The following PARD3 variants were observed in gnomAD, a reference collection of about 807,000 sequenced individuals.
PARD3 encodes par-3 family cell polarity regulator.
Under a neutral mutation model 155.4 loss-of-function variants are expected in PARD3, and 75 were observed. The ratio of observed to expected loss-of-function variants is 0.48; its 90% CI spans 0.40 to 0.58. The LOEUF (loss-of-function observed/expected upper bound fraction) is 0.58, where lower values mean the gene tolerates loss of function less well. Among genes scored for constraint, PARD3 ranks in the 20% least tolerant of loss-of-function variants. The probability of loss-of-function intolerance (pLI) is 0.00; values close to 1 mark genes in which losing one functional copy is unlikely to be tolerated. For missense variants in PARD3, 1,642 were observed against 1,721.7 expected, an observed-to-expected ratio of 0.95 and a Z score of 0.82; for synonymous variants, 576 against 610.5, an observed-to-expected ratio of 0.94 and a Z score of 0.83.
chr10:34,302,758 AAAG>A (rs1259097071), intron 20 of PARD3, among the ~76,000 whole-genome samples: 1 of 152,192 alleles, frequency 6.6e-6, no homozygotes, highest in Non-Finnish European at 1.5e-5. Flanking sequence ...GAGTTCAGAG[AAAG>A]AAGTCAAAAC....
At chr10:34,419,345 C>T (rs186052185) in intron 5 of PARD3, among the ~76,000 whole-genome samples, 1 of 151,952 alleles carries the variant, frequency 6.6e-6, no homozygotes, top group Admixed American at 6.6e-5. Context: ...GGTGAAACCC[C>T]GCCTCTACTA....
chr10:34,551,058 T>C (rs73267330), intron 2 of PARD3, among the ~76,000 whole-genome samples: 21 of 152,262 alleles, frequency 1.4e-4, no homozygotes, highest in African/African-American at 4.8e-4. Flanking sequence ...ATTCTGTAAA[T>C]GCAAAATGTA....
At chr10:34,313,610 G>C (rs1564573809) in intron 20 of PARD3, among the ~76,000 whole-genome samples, 2 of 152,064 alleles carry the variant, frequency 1.3e-5, no homozygotes, top group African/African-American at 4.8e-5. Context: ...GTCTGTATAT[G>C]CCAATGACTA....
At chr10:34,737,767 G>A (rs1303630633) in intron 1 of PARD3, among the ~76,000 whole-genome samples, 1 of 152,170 alleles carries the variant, frequency 6.6e-6, no homozygotes, top group East Asian at 1.9e-4. Context: ...AAATAAATCT[G>A]TTGTTTTATA....
intron 1 of PARD3, among the ~76,000 whole-genome samples, chr10:34,711,507 G>A (rs902146547): frequency 1.3e-4 from 20 of 152,168 alleles, no homozygotes; most frequent in African/African-American, 4.1e-4. Context: ...GGCACAGGGC[G>A]AGACTCTGTC....
intron 3 of PARD3, among the ~76,000 whole-genome samples, chr10:34,493,849 A>G (rs182876158): frequency 6.6e-6 from 1 of 152,358 alleles, no homozygotes. Flanking sequence ...ACTATATTTT[A>G]TTAGTATCTA....
chr10:34,303,162 A>ATTTTTTTTTTTTTTT lies in PARD3; in HGVS notation c.3065+13930_3065+13944dup, dbSNP rs5784409. 1.4e-3 allele frequency among the ~76,000 whole-genome samples: 189 copies of ATTTTTTTTTTTTTTT among 131,898 alleles called. 1 individual carries two copies. Among genetic ancestry groups the ATTTTTTTTTTTTTTT allele is most frequent in the East Asian group, 7.2e-3 (33 of 4,566 alleles). 86.5% of individuals were successfully genotyped at this position (131,898 alleles called of 152,430 possible). ...AGAATTTATTTTACTGCCCAGGTGA[A>ATTTTTTTTTTTTTTT]TTTTTTTTTTTTTTTTTTTTGTGCA... On this transcript the variant is annotated intron_variant, in intron 20 of 24. Transcript: ENST00000374788.
chr10:34,537,224 A>G (rs936785182), intron 2 of PARD3, among the ~76,000 whole-genome samples: 3 of 152,148 alleles, frequency 2.0e-5, no homozygotes, highest in African/African-American at 4.8e-5. Flanking sequence ...GCTGATCTCA[A>G]AATTCCTGAC....
chr10:34,435,444 C>T (rs1239487402), intron 5 of PARD3, among the ~76,000 whole-genome samples: 8 of 152,154 alleles, frequency 5.3e-5, no homozygotes. Flanking sequence ...AAGAGAAAGA[C>T]TGCCAGATCC....
chr10:34,663,230 A>G (rs2093369079), intron 2 of PARD3, among the ~76,000 whole-genome samples: 1 of 152,076 alleles, frequency 6.6e-6, no homozygotes, highest in Non-Finnish European at 1.5e-5. Context: ...TGGGAGGGCC[A>G]GGGCGGGTAG....
At chr10:34,481,518 G>A (rs534478939) in intron 3 of PARD3, among the ~76,000 whole-genome samples, 1 of 152,294 alleles carries the variant, frequency 6.6e-6, no homozygotes, top group Non-Finnish European at 1.5e-5. Flanking sequence ...TGCTAAGCCA[G>A]TACAGTTCAG....
chr10:34,780,947 A>T (rs1289774739), intron 1 of PARD3, among the ~76,000 whole-genome samples: 1 of 152,242 alleles, frequency 6.6e-6, no homozygotes, highest in Non-Finnish European at 1.5e-5. Context: ...CACAGCTATA[A>T]CGGGAAACAT....
chr10:34,651,363 G>T (rs2093009811), intron 2 of PARD3, among the ~76,000 whole-genome samples: 1 of 152,210 alleles, frequency 6.6e-6, no homozygotes. Context: ...GCATGTCACA[G>T]GCTTTCTCTG....
At chr10:34,358,785 T>C (rs1839152712) in intron 14 of PARD3, among the ~76,000 whole-genome samples, 1 of 152,198 alleles carries the variant, frequency 6.6e-6, no homozygotes, top group Non-Finnish European at 1.5e-5. Flanking sequence ...TAAGCAACTG[T>C]TTCTCTGCAT....
intron 5 of PARD3, among the ~76,000 whole-genome samples, chr10:34,446,925 T>C (rs1435696586): frequency 3.3e-5 from 5 of 152,198 alleles, no homozygotes; most frequent in Non-Finnish European, 5.9e-5. Flanking sequence ...TTAATCTAAA[T>C]TGAAAAACAA....
intron 20 of PARD3, among the ~76,000 whole-genome samples, chr10:34,308,994 G>A (rs1370212532): frequency 6.6e-5 from 10 of 152,256 alleles, no homozygotes; most frequent in Admixed American, 3.9e-4. Flanking sequence ...AGTGGACCAC[G>A]ATGAGGGATG....
At chr10:34,762,693 T>C (rs919850472) in intron 1 of PARD3, among the ~76,000 whole-genome samples, 1 of 152,158 alleles carries the variant, frequency 6.6e-6, no homozygotes, top group Non-Finnish European at 1.5e-5. Context: ...AGTCTTGATG[T>C]ATTGGAGACT....
intron 22 of PARD3, among the ~76,000 whole-genome samples, chr10:34,194,480 C>T (rs1015597419): frequency 1.3e-5 from 2 of 152,182 alleles, no homozygotes; most frequent in African/African-American, 4.8e-5. Context: ...ACAGATGCTG[C>T]ACTTGAGATG....
rs372685894 is a variant in PARD3 at position 34,390,558 on chromosome 10, G to T, written c.891-6304C>A. On this transcript the variant is annotated intron_variant, in intron 7 of 24. Transcript: ENST00000374788. ...CCTATCCTTCATATGTAAGGAGTAG[G>T]GCTAAGTGAGGCTAACTTGCCCAAG... Among the ~76,000 whole-genome samples the T allele has an allele frequency of 1.1e-4, 16 of 152,138 alleles. No homozygotes were observed. In the East Asian group the frequency reaches 3.1e-3, roughly 29 times the overall value.
Sources: allele counts gnomAD v4.1 joint callset (sites outside exome capture counted in the v4.1 genomes callset), GRCh38; gene constraint gnomAD v4.1.1; transcripts MANE v1.5; gene names NCBI Gene and HGNC (gene_info 2026-07-23, HGNC 2026-07-21).